VDAC1: variants seen among roughly 807,000 people sequenced by gnomAD.
The protein encoded by VDAC1 is non-selective voltage-gated ion channel VDAC1.
In VDAC1, 10 loss-of-function variants were observed where a neutral mutation model predicts 34.7. That is an observed-to-expected ratio of 0.29 (90% CI 0.18 to 0.49). The LOEUF (loss-of-function observed/expected upper bound fraction) is 0.49. VDAC1 is among the 20% of genes least tolerant of loss of function. VDAC1 has a pLI of 0.99. For missense variants in VDAC1, 230 were observed against 347.9 expected (o/e 0.66, Z 2.69); for synonymous variants, 130 against 136.0 (o/e 0.96, Z 0.30).
chr5:134,108,019 C>T, the VDAC1 span, among the ~76,000 whole-genome samples: 1 of 152,182 alleles, frequency 6.6e-6, no homozygotes, highest in Non-Finnish European at 1.5e-5. Flanking sequence ...GACTCACTCA[C>T]AGGAAACAGA....
chr5:134,064,411 T>C, the VDAC1 span, among the ~76,000 whole-genome samples: 1 of 152,104 alleles, frequency 6.6e-6, no homozygotes, highest in Non-Finnish European at 1.5e-5. Context: ...TGCAAGCAAT[T>C]TTCATGTCTC....
the VDAC1 span, among the ~76,000 whole-genome samples, chr5:134,044,616 C>A: frequency 5.6e-5 from 5 of 90,010 alleles, no homozygotes; most frequent in African/African-American, 1.5e-4. Flanking sequence ...CGTGTGTGTG[C>A]ACATAACTGT....
the VDAC1 span, among the ~76,000 whole-genome samples, chr5:134,065,293 A>G: frequency 1.4e-4 from 21 of 151,576 alleles, no homozygotes; most frequent in African/African-American, 4.4e-4. Flanking sequence ...CACACATCCA[A>G]ATATAATGGG....
the VDAC1 span, among the ~76,000 whole-genome samples, chr5:134,066,530 A>ATT: frequency 6.6e-6 from 1 of 152,212 alleles, no homozygotes; most frequent in Non-Finnish European, 1.5e-5. Flanking sequence ...GTGTTAGTAT[A>ATT]TTGGTTAGCT....
intron 1 of VDAC1, among the ~76,000 whole-genome samples, chr5:133,994,664 C>G (rs544964115): frequency 1.3e-5 from 2 of 152,206 alleles, no homozygotes; most frequent in African/African-American, 4.8e-5. Context: ...TGACACCTTC[C>G]TAGGAGAACA....
intron 5 of VDAC1, among the ~76,000 whole-genome samples, chr5:133,984,359 C>G (rs960536113): frequency 1.3e-5 from 2 of 150,458 alleles, no homozygotes; most frequent in African/African-American, 4.9e-5. Flanking sequence ...CCTCGCCTGG[C>G]CAGGTATTTC....
chr5:134,006,729 T>G (rs1366916152), upstream of VDAC1, among the ~76,000 whole-genome samples: 16 of 123,854 alleles, frequency 1.3e-4, no homozygotes, highest in African/African-American at 1.6e-4. Flanking sequence ...ACTGACAGAG[T>G]GACATTGTCC....
chr5:134,008,697 TTGTC>T (rs1753791407), upstream of VDAC1, among the ~76,000 whole-genome samples: 4 of 152,346 alleles, frequency 2.6e-5, no homozygotes, highest in South Asian at 8.3e-4. Flanking sequence ...TTTCTTAGCA[TTGTC>T]TGTGCTAAGT....
chr5:134,108,651 G>A, the VDAC1 span, among the ~76,000 whole-genome samples: 2 of 152,138 alleles, frequency 1.3e-5, no homozygotes, highest in Non-Finnish European at 2.9e-5. Context: ...TTCTAGGAGA[G>A]AGGGCAGACA....
intron 5 of VDAC1, among the ~76,000 whole-genome samples, chr5:133,988,013 CAA>C (rs553937602): frequency 4.6e-4 from 70 of 152,242 alleles, no homozygotes; most frequent in African/African-American, 1.6e-3. Flanking sequence ...CACTCTTTTT[CAA>C]AAGTGTCAGA....
chr5:134,084,511 TG>T, the VDAC1 span, among the ~76,000 whole-genome samples: 1 of 152,180 alleles, frequency 6.6e-6, no homozygotes, highest in Non-Finnish European at 1.5e-5. Flanking sequence ...GTGGCATGGT[TG>T]GGGGGTCCCT....
At chr5:133,995,254 G>A (rs1190725802) in intron 1 of VDAC1, among the ~76,000 whole-genome samples, 1 of 152,180 alleles carries the variant, frequency 6.6e-6, no homozygotes, top group Non-Finnish European at 1.5e-5. Flanking sequence ...AAGCTCTTTT[G>A]GGGCTGTGGG....
the VDAC1 span, among the ~76,000 whole-genome samples, chr5:134,018,382 A>G: frequency 6.6e-6 from 1 of 152,060 alleles, no homozygotes; most frequent in African/African-American, 2.4e-5. Flanking sequence ...CATGACTAAA[A>G]CACCTCCCAC....
chr5:134,031,223 T>G, the VDAC1 span, among the ~76,000 whole-genome samples: 1 of 152,254 alleles, frequency 6.6e-6, no homozygotes, highest in East Asian at 1.9e-4. Flanking sequence ...GAAGACCTCC[T>G]GGTTTTATCC....
At chr5:133,995,636 C>T (rs1014601327) in intron 1 of VDAC1, among the ~76,000 whole-genome samples, 3 of 152,048 alleles carry the variant, frequency 2.0e-5, no homozygotes, top group Admixed American at 6.5e-5. Context: ...CCTTTTTGTG[C>T]ACTTCGGCCC....
the VDAC1 span, among the ~76,000 whole-genome samples, chr5:134,022,036 A>C: frequency 3.3e-5 from 5 of 152,142 alleles, no homozygotes; most frequent in East Asian, 7.7e-4. Context: ...ATGTGCCACC[A>C]CGCCAGCTAG....
intron 1 of VDAC1, among the ~76,000 whole-genome samples, chr5:133,998,355 T>G (rs376078383): frequency 5.9e-5 from 9 of 151,856 alleles, no homozygotes; most frequent in South Asian, 2.1e-4. Context: ...TACTAATAAT[T>G]TGTTTAAGGA....
the VDAC1 span, among the ~76,000 whole-genome samples, chr5:134,048,598 C>A: frequency 6.6e-6 from 1 of 152,090 alleles, no homozygotes; most frequent in Non-Finnish European, 1.5e-5. Context: ...ATAGAAACTT[C>A]ATTACTACTC....
chr5:134,056,565 G>A, the VDAC1 span, among the ~76,000 whole-genome samples: 5 of 151,884 alleles, frequency 3.3e-5, no homozygotes, highest in South Asian at 4.2e-4. Context: ...TCGGCCTCCC[G>A]AAGTGCTGGG....
Sources: gnomAD v4.1 joint callset for allele counts (sites outside exome capture counted in the v4.1 genomes callset) on GRCh38, gnomAD v4.1.1 for gene constraint, MANE v1.5 for transcripts, NCBI Gene and HGNC (gene_info 2026-07-23, HGNC 2026-07-21) for gene names.